DAB1: variants seen among roughly 807,000 people sequenced by gnomAD.
The protein encoded by DAB1 is DAB adaptor protein 1.
A neutral mutation model predicts 64.6 loss-of-function variants in DAB1; 15 were observed. The ratio of observed to expected loss-of-function variants is 0.23; its 90% confidence interval spans 0.16 to 0.36. The LOEUF (loss-of-function observed/expected upper bound fraction) is 0.36. Ranked by LOEUF, DAB1 falls within the 10% of genes least tolerant of loss-of-function variation. DAB1 has a pLI of 1.00. For missense variants in DAB1, 596 were observed against 706.7 expected, an observed-to-expected ratio of 0.84 and a Z score of 1.78; for synonymous variants, 235 against 251.9, an observed-to-expected ratio of 0.93 and a Z score of 0.64.
At chr1:58,534,016 G>A (rs546981860) in intron 1 of DAB1, 13 of 871,332 alleles carry the variant, frequency 1.5e-5, no homozygotes, top group African/African-American at 6.5e-5. Context: ...GATGAATATC[G>A]GTTACACTAT....
chr1:57,357,475 A>G (rs1679198378), intron 1 of DAB1, among the ~76,000 whole-genome samples: 1 of 147,644 alleles, frequency 6.8e-6, no homozygotes, highest in African/African-American at 2.5e-5. Context: ...AATTTCTTTT[A>G]TCACTGATTT....
chr1:57,664,432 A>G (rs1646423101), intron 6 of DAB1, among the ~76,000 whole-genome samples: 1 of 152,232 alleles, frequency 6.6e-6, no homozygotes, highest in Admixed American at 6.5e-5. Context: ...CTTTTCCAAT[A>G]CATGTATAGC....
At chr1:58,536,800 C>G in intron 1 of DAB1, 2 of 809,952 alleles carry the variant, frequency 2.5e-6, no homozygotes, top group Non-Finnish European at 4.3e-6. Flanking sequence ...ATCACTAAAG[C>G]TCAAATGCAT....
chr1:58,399,490 T>C (rs751296550), intron 3 of DAB1, among the ~76,000 whole-genome samples: 28 of 152,138 alleles, frequency 1.8e-4, no homozygotes, highest in Non-Finnish European at 3.2e-4. Context: ...GATTTTTAGA[T>C]AGGGAAACCA....
intron 4 of DAB1, among the ~76,000 whole-genome samples, chr1:58,301,816 T>C (rs534992033): frequency 7.9e-5 from 12 of 152,316 alleles, no homozygotes; most frequent in Admixed American, 7.2e-4. Context: ...TTAATCTTAC[T>C]GTACCTCAGA....
At chr1:58,263,962 TG>T (rs2100419930) in intron 4 of DAB1, among the ~76,000 whole-genome samples, 1 of 152,340 alleles carries the variant, frequency 6.6e-6, no homozygotes, top group Admixed American at 6.5e-5. Context: ...GGGTAATTCC[TG>T]GAACAAAAGC....
At chr1:58,158,820 A>G (rs978418448) in intron 4 of DAB1, among the ~76,000 whole-genome samples, 2 of 152,240 alleles carry the variant, frequency 1.3e-5, no homozygotes, top group Admixed American at 1.3e-4. Flanking sequence ...TGGATCCCAA[A>G]GCAAATGCAG....
At chr1:58,521,275 G>A (rs1460703242) in intron 2 of DAB1, among the ~76,000 whole-genome samples, 2 of 151,368 alleles carry the variant, frequency 1.3e-5, no homozygotes, top group African/African-American at 4.9e-5. Flanking sequence ...CTTGCAACAT[G>A]ACAAGTAAAG....
chr1:57,316,979 T>C (rs531724540), intron 1 of DAB1, among the ~76,000 whole-genome samples: 12 of 152,312 alleles, frequency 7.9e-5, no homozygotes, highest in African/African-American at 2.9e-4. Flanking sequence ...AAATGGAATA[T>C]GGCAAAAAGT....
chr1:57,947,463 T>C (rs1645201180), intron 5 of DAB1, among the ~76,000 whole-genome samples: 2 of 152,148 alleles, frequency 1.3e-5, no homozygotes, highest in Admixed American at 1.3e-4. Flanking sequence ...CTGTGAGTTA[T>C]ACAACACTTA....
At chr1:58,173,959 CT>C (rs1250192729) in intron 4 of DAB1, among the ~76,000 whole-genome samples, 2 of 152,168 alleles carry the variant, frequency 1.3e-5, no homozygotes, top group African/African-American at 4.8e-5. Context: ...AGTTTATCTA[CT>C]TCATTATCCT....
intron 1 of DAB1, among the ~76,000 whole-genome samples, chr1:57,337,624 A>G (rs980124791): frequency 1.3e-5 from 2 of 152,184 alleles, no homozygotes; most frequent in African/African-American, 4.8e-5. Context: ...GTGTAATCCC[A>G]TGATGGCAGA....
intron 4 of DAB1, among the ~76,000 whole-genome samples, chr1:58,287,722 T>C (rs1661720565): frequency 6.6e-6 from 1 of 151,990 alleles, no homozygotes; most frequent in South Asian, 2.1e-4. Flanking sequence ...TCAGCTGAGA[T>C]TCAAAAGGAG....
chr1:58,219,454 A>G (rs1169515311), intron 4 of DAB1, among the ~76,000 whole-genome samples: 1 of 152,118 alleles, frequency 6.6e-6, no homozygotes. Flanking sequence ...AATCACCAGG[A>G]CCAGACTGGG....
At chr1:57,720,516 G>C (rs762604670) in intron 6 of DAB1, among the ~76,000 whole-genome samples, 1 of 152,192 alleles carries the variant, frequency 6.6e-6, no homozygotes, top group African/African-American at 2.4e-5. Flanking sequence ...AAGACCAAAA[G>C]ACTGTAATCA....
At chr1:58,371,968 A>G (rs1332697590) in intron 3 of DAB1, among the ~76,000 whole-genome samples, 5 of 152,236 alleles carry the variant, frequency 3.3e-5, no homozygotes, top group African/African-American at 9.6e-5. Flanking sequence ...GCCCTCATAG[A>G]GAACTTCTAC....
rs995480846 is a variant in DAB1, at chr1:58,020,866, G to A, written n.387+129645C>T. Among the ~76,000 whole-genome samples the A allele has an allele frequency of 1.5e-4, 23 of 152,266 alleles. 1 individual carries two copies. The highest frequency in any genetic ancestry group is 5.5e-4 in the African/African-American group (23 of 41,564). On this transcript the variant is annotated intron_variant and non_coding_transcript_variant, in intron 5 of 20. Transcript: ENST00000485760. ...AAAAATACAAAAATTAGCCAGGGGT[G>A]ATGGCGCACACCTGTAATCCCAGCT...
At chr1:57,743,911 G>A in intron 6 of DAB1, among the ~76,000 whole-genome samples, 1 of 152,212 alleles carries the variant, frequency 6.6e-6, no homozygotes, top group East Asian at 1.9e-4. Context: ...GAAGGGATGG[G>A]CTGAATTAAT....
intron 7 of DAB1, among the ~76,000 whole-genome samples, chr1:57,624,656 G>T (rs912711154): frequency 1.3e-5 from 2 of 152,058 alleles, no homozygotes; most frequent in Non-Finnish European, 2.9e-5. Flanking sequence ...ACTTACAAAC[G>T]GTAAGTTGTA....
Sources: allele counts gnomAD v4.1 joint callset (sites outside exome capture counted in the v4.1 genomes callset), GRCh38; gene constraint gnomAD v4.1.1; transcripts MANE v1.5; gene names NCBI Gene and HGNC (gene_info 2026-07-23, HGNC 2026-07-21).